PIWIL2: variants seen among roughly 807,000 people sequenced by gnomAD.
The protein encoded by PIWIL2 is piwi-like protein 2.
A neutral mutation model predicts 116.5 loss-of-function variants in PIWIL2; 81 were observed. The observed-to-expected ratio is 0.70, with a 90% CI of 0.58 to 0.84. The LOEUF (loss-of-function observed/expected upper bound fraction) is 0.84. PIWIL2 is among the 40% of genes least tolerant of loss of function. PIWIL2 has a pLI of 0.00. For missense variants in PIWIL2, 1,272 were observed against 1,212.3 expected (o/e 1.05, Z -0.73); for synonymous variants, 489 against 429.5 (o/e 1.14, Z -1.71).
At chr8:22,355,060 ACT>A (rs1261938433) in intron 22 of PIWIL2, among the ~76,000 whole-genome samples, 1 of 149,812 alleles carries the variant, frequency 6.7e-6, no homozygotes, top group Non-Finnish European at 1.5e-5. Context: ...ACAGAGCAAG[ACT>A]CTGTCAAAAA....
At chr8:22,349,415 GTGTGTATA>G (rs1231387707) in intron 20 of PIWIL2, among the ~76,000 whole-genome samples, 4 of 134,944 alleles carry the variant, frequency 3.0e-5, no homozygotes, top group Non-Finnish European at 3.2e-5. Flanking sequence ...ATATATGTGT[GTGTGTATA>G]TATATATATA....
intron 20 of PIWIL2, among the ~76,000 whole-genome samples, chr8:22,326,603 C>T (rs1050939970): frequency 6.6e-6 from 1 of 152,020 alleles, no homozygotes; most frequent in African/African-American, 2.4e-5. Flanking sequence ...AAATGTGTGA[C>T]CTTTTGTGTT....
At chr8:22,351,428 A>G (rs1202991309) in intron 20 of PIWIL2, among the ~76,000 whole-genome samples, 1 of 83,154 alleles carries the variant, frequency 1.2e-5, no homozygotes, top group Non-Finnish European at 2.4e-5. Context: ...TGTAAGGAAC[A>G]GTGCATACAT....
chr8:22,331,142 G>GTCCA (rs1831852842), intron 20 of PIWIL2, among the ~76,000 whole-genome samples: 1 of 151,736 alleles, frequency 6.6e-6, no homozygotes, highest in Admixed American at 6.6e-5. Flanking sequence ...TGCCAATGCA[G>GTCCA]TCCAGCCTAA....
chr8:22,284,769 G>C (rs1209361106), intron 6 of PIWIL2, among the ~76,000 whole-genome samples: 5 of 151,698 alleles, frequency 3.3e-5, no homozygotes, highest in Non-Finnish European at 7.4e-5. Context: ...TGAGAAAAAT[G>C]AAGGAAGATA....
intron 20 of PIWIL2, among the ~76,000 whole-genome samples, chr8:22,328,821 T>C (rs1346221240): frequency 6.8e-6 from 1 of 147,158 alleles, no homozygotes; most frequent in Non-Finnish European, 1.5e-5. Context: ...TCTAGTCGTT[T>C]TTTTTTTTTT....
chr8:22,287,802 C>T (rs530746586), intron 7 of PIWIL2, among the ~76,000 whole-genome samples, 157 bp downstream of exon 7: 1 of 152,312 alleles, frequency 6.6e-6, no homozygotes, highest in Admixed American at 6.5e-5. Context: ...AGCCACTTCA[C>T]CTGGCCCAGG....
At chr8:22,307,287 G>T in intron 13 of PIWIL2, among the ~76,000 whole-genome samples, 1 of 151,770 alleles carries the variant, frequency 6.6e-6, no homozygotes, top group Non-Finnish European at 1.5e-5. Context: ...CTCCCAAAGT[G>T]CTGGGATTAC....
intron 20 of PIWIL2, among the ~76,000 whole-genome samples, chr8:22,322,600 CGTCCCATCCCATCTT>C (rs1831625523): frequency 1.3e-5 from 2 of 151,048 alleles, no homozygotes; most frequent in African/African-American, 2.4e-5. Context: ...CGTCCTGTCC[CGTCCCATCCCATCTT>C]GTCCTGTCCT....
intron 20 of PIWIL2, among the ~76,000 whole-genome samples, chr8:22,319,640 A>C (rs574127806): frequency 6.6e-6 from 1 of 152,316 alleles, no homozygotes; most frequent in Non-Finnish European, 1.5e-5. Context: ...CACAATCAGG[A>C]ACTGGACAAG....
chr8:22,299,424 T>C (rs1345211264), intron 10 of PIWIL2, among the ~76,000 whole-genome samples: 1 of 152,138 alleles, frequency 6.6e-6, no homozygotes, highest in Admixed American at 6.6e-5. Flanking sequence ...GTCAGACTGG[T>C]CTTGAACTCC....
intron 5 of PIWIL2, 26 bp from the exon 6 acceptor site, chr8:22,284,136 A>T (rs1384913567): frequency 2.4e-6 from 3 of 1,251,934 alleles, no homozygotes; most frequent in Non-Finnish European, 3.4e-6. Flanking sequence ...TGATATATGC[A>T]GTTGCTTTTT....
Position 22,355,811 on chromosome 8 carries a change from C to G in PIWIL2, c.*306C>G, listed in dbSNP as rs561198541. 1.5e-4 allele frequency: 47 copies of G among 303,364 alleles called. No homozygotes were observed. The highest frequency in any genetic ancestry group is 1.1e-3 in the Middle Eastern group (1 of 878). The allele number at this position is 303,364 out of a possible 1,614,324, so 18.8% of individuals were successfully genotyped here. On this transcript the variant is annotated 3_prime_UTR_variant, in exon 23 of 23. Coordinates refer to ENST00000356766, the MANE Select transcript of PIWIL2 (RefSeq NM_018068.5). ...CCTCCAGACCGGGTGCGGTGGTTCA[C>G]ACCTGTAATCCAAGCACTTTGGGAG...
chr8:22,309,084 C>T (rs1388670195), intron 14 of PIWIL2, among the ~76,000 whole-genome samples: 5 of 152,084 alleles, frequency 3.3e-5, no homozygotes, highest in Non-Finnish European at 5.9e-5. Flanking sequence ...GCCTCAGCTT[C>T]CCAAGTAGCT....
rs1832475730 is a variant in PIWIL2, at chr8:22,355,746, C to G, written c.*241C>G. ...AGAGCAAGTTACGGTGGTACTGCCA[C>G]TCTGCAGGTGGAGCGGGTGACTCTG... On this transcript the variant is annotated 3_prime_UTR_variant, in exon 23 of 23. Transcript: ENST00000356766. 2.0e-6 allele frequency: 1 copy of G among 495,952 alleles called. No individual in the cohort carries two copies. Among genetic ancestry groups the G allele is most frequent in the Non-Finnish European group, 3.6e-6 (1 of 274,090 alleles). 30.7% of individuals were successfully genotyped at this position (495,952 alleles called of 1,614,324 possible).
chr8:22,291,920 A>G (rs1830776775), intron 10 of PIWIL2, among the ~76,000 whole-genome samples: 1 of 152,194 alleles, frequency 6.6e-6, no homozygotes, highest in Admixed American at 6.5e-5. Context: ...AAAGAAAAAG[A>G]GCACACGGTC....
chr8:22,354,712 G>A (rs930097118), intron 22 of PIWIL2, among the ~76,000 whole-genome samples: 16 of 152,030 alleles, frequency 1.1e-4, no homozygotes, highest in African/African-American at 3.6e-4. Context: ...CTCCACTAGG[G>A]TACTTACCTT....
At chr8:22,297,958 A>G (rs1302221073) in intron 10 of PIWIL2, among the ~76,000 whole-genome samples, 4 of 152,196 alleles carry the variant, frequency 2.6e-5, no homozygotes, top group African/African-American at 9.6e-5. Flanking sequence ...CAAAGCAAGC[A>G]AATGAAAAAC....
At chr8:22,276,118 T>A (rs1469882452) in intron 1 of PIWIL2, 1 of 152,128 alleles carries the variant, frequency 6.6e-6, no homozygotes, top group African/African-American at 2.4e-5. Context: ...CGAAAAGGGG[T>A]GTTAGCAGTT....
Sources: gnomAD v4.1 joint callset for allele counts (sites outside exome capture counted in the v4.1 genomes callset) on GRCh38, gnomAD v4.1.1 for gene constraint, MANE v1.5 for transcripts, NCBI Gene and HGNC (gene_info 2026-07-23, HGNC 2026-07-21) for gene names.